Variants in BCAS4 observed in about 807,000 individuals in gnomAD.
BCAS4 encodes breast carcinoma-amplified sequence 4.
Under a neutral mutation model 15.7 loss-of-function variants are expected in BCAS4, and 9 were observed. The ratio of observed to expected loss-of-function variants is 0.57; its 90% confidence interval spans 0.34 to 1.00. The LOEUF is 1.00. Ranked by LOEUF, BCAS4 falls within the 50% of genes least tolerant of loss-of-function variation. BCAS4 has a pLI of 0.02. For synonymous variants in BCAS4, 101 were observed against 99.5 expected, an observed-to-expected ratio of 1.02 and a Z score of -0.09; for missense variants, 225 against 239.1, an observed-to-expected ratio of 0.94 and a Z score of 0.39.
chr20:50,871,240 T>C (rs1185017946), intron 4 of BCAS4, among the ~76,000 whole-genome samples: 1 of 152,188 alleles, frequency 6.6e-6, no homozygotes, highest in Non-Finnish European at 1.5e-5. Flanking sequence ...GCTCCCTCCC[T>C]CCCGGGACCC....
At chr20:50,818,313 G>T (rs761304944) in intron 2 of BCAS4, 31 bp downstream of exon 2, 1 of 1,599,804 alleles carries the variant, frequency 6.3e-7, no homozygotes. Context: ...CGTGGGTTTA[G>T]GCCCAGGCCA....
intron 4 of BCAS4, among the ~76,000 whole-genome samples, chr20:50,857,035 G>C (rs1235906639): frequency 6.6e-6 from 1 of 152,206 alleles, no homozygotes; most frequent in South Asian, 2.1e-4. Flanking sequence ...AACATTGTAC[G>C]TTTGTGCTGT....
intron 1 of BCAS4, among the ~76,000 whole-genome samples, chr20:50,804,874 A>G (rs528161778): frequency 6.6e-6 from 1 of 152,224 alleles, no homozygotes; most frequent in Non-Finnish European, 1.5e-5. Flanking sequence ...TCGTTGTTTA[A>G]CCTGCCAACT....
chr20:50,818,732 G>A (rs1444254526), intron 2 of BCAS4, among the ~76,000 whole-genome samples: 1 of 152,260 alleles, frequency 6.6e-6, no homozygotes, highest in East Asian at 1.9e-4. Flanking sequence ...ACAGCCCGTG[G>A]TGGAGTTGGG....
chr20:50,801,830 G>A (rs1278424856), intron 1 of BCAS4, among the ~76,000 whole-genome samples: 1 of 152,148 alleles, frequency 6.6e-6, no homozygotes, highest in Non-Finnish European at 1.5e-5. Flanking sequence ...GGGACTGAGG[G>A]GAAGGAGGAT....
At chr20:50,855,326 T>C (rs1020299107) in intron 4 of BCAS4, among the ~76,000 whole-genome samples, 7 of 152,164 alleles carry the variant, frequency 4.6e-5, no homozygotes, top group Non-Finnish European at 1.0e-4. Flanking sequence ...CCATGTCTCT[T>C]GCGTTCATCT....
chr20:50,823,182 A>G (rs1204491390), intron 2 of BCAS4, among the ~76,000 whole-genome samples: 1 of 151,820 alleles, frequency 6.6e-6, no homozygotes, highest in Non-Finnish European at 1.5e-5. Context: ...TCTACTAAAA[A>G]TACAAAAATT....
intron 4 of BCAS4, among the ~76,000 whole-genome samples, chr20:50,847,975 G>A (rs1004208591): frequency 3.5e-4 from 54 of 152,240 alleles, no homozygotes; most frequent in African/African-American, 1.2e-3. Context: ...GGAGGTCAAG[G>A]CTGCAGTGAG....
chr20:50,802,012 T>C (rs1302616336), intron 1 of BCAS4, among the ~76,000 whole-genome samples: 1 of 151,926 alleles, frequency 6.6e-6, no homozygotes, highest in African/African-American at 2.4e-5. Flanking sequence ...AATTCTGTTC[T>C]AGGGTCATGC....
Position 50,829,856 on chromosome 20 carries a change from A to G in BCAS4, c.163-423A>G, listed in dbSNP as rs183907109. Reference sequence around the variant, plus strand: ...CTGATACATAAGAGTTGTGGCTTTCATTAACATTATTAATGAATATTATTC... The same window carrying G: ...CTGATACATAAGAGTTGTGGCTTTCGTTAACATTATTAATGAATATTATTC... On this transcript the variant is annotated intron_variant, in intron 2 of 4. Transcript: ENST00000371608. 2.9e-3 allele frequency among the ~76,000 whole-genome samples: 442 copies of G among 152,276 alleles called. 1 individual carries two copies. Among genetic ancestry groups the G allele is most frequent in the African/African-American group, 5.3e-3 (219 of 41,560 alleles).
rs529320033 is a variant in BCAS4 at position 50,868,833 on chromosome 20, G to A, written c.400-7653G>A. 4.6e-5 allele frequency among the ~76,000 whole-genome samples: 7 copies of A among 152,346 alleles called. No individual in the cohort carries two copies. The South Asian group carries it at 1.4e-3, about 32-fold the overall frequency. ...AGAGGGATCATGAGAACAAGAGGAT[G>A]TATACAACAGGCTGCACCTGGTGCT... On this transcript the variant is annotated intron_variant, in intron 4 of 4. Coordinates refer to ENST00000371608, the MANE Select transcript of BCAS4 (RefSeq NM_198799.4).
intron 1 of BCAS4, among the ~76,000 whole-genome samples, chr20:50,806,049 CT>C (rs1437682184): frequency 2.0e-5 from 3 of 151,734 alleles, no homozygotes; most frequent in African/African-American, 7.3e-5. Context: ...GCCCACTTCT[CT>C]TGTATTTATT....
At chr20:50,807,029 A>G (rs2123755660) in intron 1 of BCAS4, among the ~76,000 whole-genome samples, 1 of 151,822 alleles carries the variant, frequency 6.6e-6, no homozygotes, top group South Asian at 2.1e-4. Context: ...GCACCACCAC[A>G]CACGGCTAAT....
chr20:50,817,891 C>T, intron 1 of BCAS4, among the ~76,000 whole-genome samples: 1 of 152,088 alleles, frequency 6.6e-6, no homozygotes, highest in East Asian at 1.9e-4. Flanking sequence ...GGTTACCCCA[C>T]CTCTCTGAGC....
chr20:50,796,368 CAA>C (rs573554371), intron 1 of BCAS4, among the ~76,000 whole-genome samples: 1 of 105,784 alleles, frequency 9.5e-6, no homozygotes. Flanking sequence ...AACTCCCTCT[CAA>C]AAAAAAAAAC....
At chr20:50,882,015 T>G (rs2122708268), downstream of BCAS4, 1 of 152,344 alleles carries the variant, frequency 6.6e-6, no homozygotes, top group South Asian at 2.1e-4. Flanking sequence ...TGGGACACCA[T>G]TCTCATGGGG....
At chr20:50,816,762 C>T (rs2123771544) in intron 1 of BCAS4, among the ~76,000 whole-genome samples, 1 of 143,122 alleles carries the variant, frequency 7.0e-6, no homozygotes, top group South Asian at 2.3e-4. Context: ...GTAGCTGGGA[C>T]TACAGACATG....
Position 50,876,650 on chromosome 20 carries a change from G to T in BCAS4, c.*42G>T. ...ATCAGGAACGCTGGAAAGTGACATT[G>T]TGTACACACTGCAGCTTGGGGGTTT... On this transcript the variant is annotated 3_prime_UTR_variant, in exon 5 of 5. Transcript: ENST00000371608. 1 of 1,595,194 alleles carries T rather than the reference G, an allele frequency of 6.3e-7. No homozygotes were observed. The highest frequency in any genetic ancestry group is 8.5e-7 in the Non-Finnish European group (1 of 1,172,022).
intron 3 of BCAS4, among the ~76,000 whole-genome samples, chr20:50,834,141 A>G (rs1439035820): frequency 6.6e-6 from 1 of 152,070 alleles, no homozygotes; most frequent in Non-Finnish European, 1.5e-5. Context: ...GAATGACAGG[A>G]CCCATCAGAG....
Sources: gnomAD v4.1 joint callset for allele counts (sites outside exome capture counted in the v4.1 genomes callset) on GRCh38, gnomAD v4.1.1 for gene constraint, MANE v1.5 for transcripts, NCBI Gene and HGNC (gene_info 2026-07-23, HGNC 2026-07-21) for gene names.